The following EXD3 variants were observed in gnomAD, a reference collection of about 807,000 sequenced individuals.
The protein encoded by EXD3 is exonuclease mut-7 homolog.
Under a neutral mutation model 98.0 loss-of-function variants are expected in EXD3, and 92 were observed. The ratio of observed to expected loss-of-function variants is 0.94; its 90% CI spans 0.79 to 1.12. The LOEUF (loss-of-function observed/expected upper bound fraction) is 1.12, where lower values mean the gene tolerates loss of function less well. Among genes scored for constraint, EXD3 ranks in the 50% most tolerant of loss-of-function variants. The pLI, the probability that EXD3 is intolerant of heterozygous loss-of-function variation, is 0.00. For missense variants in EXD3, 1,222 were observed against 1,191.6 expected, an observed-to-expected ratio of 1.03 and a Z score of -0.38; for synonymous variants, 569 against 526.0, an observed-to-expected ratio of 1.08 and a Z score of -1.12.
chr9:137,373,637 C>T, intron 3 of EXD3, 38 bp from the exon 4 acceptor site: 1 of 1,551,226 alleles, frequency 6.4e-7, no homozygotes. Flanking sequence ...CTTTGTCTTG[C>T]ACTCAAAGCC....
chr9:137,338,592 AAGGC>A, intron 17 of EXD3, among the ~76,000 whole-genome samples: 1 of 152,098 alleles, frequency 6.6e-6, no homozygotes, highest in East Asian at 1.9e-4. Flanking sequence ...GTTATTTTAA[AAGGC>A]AGTAAGTTGG....
intron 2 of EXD3, chr9:137,392,723 A>AG: frequency 3.0e-6 from 1 of 329,342 alleles, no homozygotes; most frequent in East Asian, 8.1e-5. Context: ...TGTCTGTTCC[A>AG]GGAGCACCAG....
At chr9:137,358,159 T>C (rs1404506144) in intron 7 of EXD3, among the ~76,000 whole-genome samples, 3 of 152,174 alleles carry the variant, frequency 2.0e-5, no homozygotes, top group Non-Finnish European at 4.4e-5. Flanking sequence ...TGTGTTAGTG[T>C]TAGCATGCGT....
chr9:137,336,648 A>T (rs1833367124), intron 17 of EXD3, among the ~76,000 whole-genome samples: 2 of 109,660 alleles, frequency 1.8e-5, no homozygotes, highest in African/African-American at 7.7e-5. Context: ...ACAAAGTGAG[A>T]CTCCGTCTAA....
Position 137,354,699 on chromosome 9 carries a change from C to T in EXD3, c.831+1G>A, listed in dbSNP as rs1399389241. The T allele has an allele frequency of 3.1e-6, 5 of 1,610,740 alleles. No individual in the cohort carries two copies. The highest frequency in any genetic ancestry group is 1.7e-5 in the Admixed American group (1 of 60,006). ...CCCAGGACCCCCTCCTGCTCACGAA[C>T]CTCCACAAACCGCTTGTGGCACAGG... On this transcript the variant is annotated splice_donor_variant, in intron 9 of 21. Coordinates refer to ENST00000340951, the MANE Select transcript of EXD3 (RefSeq NM_017820.5). LOFTEE classifies it high-confidence loss of function.
At chr9:137,370,867 A>G (rs866603999) in intron 5 of EXD3, among the ~76,000 whole-genome samples, 1 of 151,198 alleles carries the variant, frequency 6.6e-6, no homozygotes, top group South Asian at 2.1e-4. Context: ...AAATAAAATA[A>G]CTCAGCGGAC....
intron 7 of EXD3, chr9:137,366,016 GCA>G (rs1835232743): frequency 1.6e-6 from 1 of 613,826 alleles, no homozygotes; most frequent in East Asian, 3.3e-5. Flanking sequence ...ATGCACATGG[GCA>G]CACACATACA....
In EXD3 at chr9:137,395,483, G is replaced by C. The variant is rs1837168368; in HGVS notation, c.-47-79C>G. On this transcript the variant is annotated intron_variant, in intron 1 of 21. Transcript: ENST00000340951. The surrounding 1 kb of genome is among the most constrained non-coding windows in gnomAD (Gnocchi z 6.5). ...GCAGAGCCCACGCCCACAGCCCCTG[G>C]AGGTGGTGGAGGGAGCTGGTGCCTG... 1 of 1,382,118 alleles carries C rather than the reference G, an allele frequency of 7.2e-7. No homozygotes were observed. Among genetic ancestry groups the C allele is most frequent in the Non-Finnish European group, 1.0e-6 (1 of 1,002,210 alleles). 85.6% of individuals were successfully genotyped at this position (1,382,118 alleles called of 1,614,324 possible).
At chr9:137,319,530 G>T (rs1462505319) in intron 19 of EXD3, among the ~76,000 whole-genome samples, 1 of 152,168 alleles carries the variant, frequency 6.6e-6, no homozygotes, top group African/African-American at 2.4e-5. Flanking sequence ...TGGGTGGTGG[G>T]AACGTGGCCT....
rs112337955 is a variant in EXD3 at position 137,311,845 on chromosome 9, G to A, written c.2185-2145C>T. On this transcript the variant is annotated intron_variant, in intron 19 of 21. Coordinates refer to ENST00000340951, the MANE Select transcript of EXD3 (RefSeq NM_017820.5). The stretch of plus-strand genomic sequence containing the variant: ...CCTTGCTGGACCGACTGCCCTGGGC[G>A]GGTGGCTGCCACGGGCTGAGGGAGT... 2.6e-3 allele frequency among the ~76,000 whole-genome samples: 398 copies of A among 152,310 alleles called. 3 individuals are homozygous for A. The highest frequency in any genetic ancestry group is 8.6e-3 in the African/African-American group (357 of 41,566).
At chr9:137,343,032 A>C (rs1435571139) in intron 17 of EXD3, 2 of 152,416 alleles carry the variant, frequency 1.3e-5, no homozygotes, top group African/African-American at 4.8e-5. Context: ...AGGCAGGAGA[A>C]TCGCTTGAAC....
At chr9:137,374,907 T>C (rs1198848707) in intron 3 of EXD3, 14 of 960,720 alleles carry the variant, frequency 1.5e-5, no homozygotes, top group Non-Finnish European at 1.7e-5. Flanking sequence ...TAGTGAGATC[T>C]AGCTCTAGTG....
intron 17 of EXD3, among the ~76,000 whole-genome samples, chr9:137,325,123 A>C (rs1186883588): frequency 6.6e-6 from 1 of 152,244 alleles, no homozygotes. Flanking sequence ...GCCTAGAGAC[A>C]AGACCCAATC....
intron 7 of EXD3, chr9:137,365,690 G>T (rs1347965469): frequency 4.1e-6 from 1 of 241,494 alleles, no homozygotes; most frequent in Non-Finnish European, 8.0e-6. Context: ...AGGCACACAT[G>T]CACACACGTA....
chr9:137,356,273 G>T lies in EXD3; in HGVS notation c.752C>A (p.Ala251Asp). 6.9e-6 allele frequency: 11 copies of T among 1,597,862 alleles called. No homozygotes were observed. Among genetic ancestry groups the T allele is most frequent in the Non-Finnish European group, 9.4e-6 (11 of 1,173,458 alleles). ...VLRLQERYGV[A>D]PALCPNAAIQ... ...AATGTGGGGGCTGGACTCACCTGGGGCTACGCCGTACCGCTCCTGCAGACG... is the reference window on the plus strand; with the variant it reads ...AATGTGGGGGCTGGACTCACCTGGGTCTACGCCGTACCGCTCCTGCAGACG... Residue 251 changes from alanine (A) to aspartate (D), a missense_variant, in exon 8 of 22, where the codon GCC becomes GAC. Transcript: ENST00000340951.
intron 17 of EXD3, among the ~76,000 whole-genome samples, chr9:137,328,176 A>T (rs369491700): frequency 4.3e-3 from 33 of 7,592 alleles, no homozygotes; most frequent in East Asian, 0.014. Flanking sequence ...ACTAATATAC[A>T]CCAATATGAT....
chr9:137,350,766 C>T (rs1834256239), intron 14 of EXD3, among the ~76,000 whole-genome samples: 1 of 151,970 alleles, frequency 6.6e-6, no homozygotes, highest in African/African-American at 2.4e-5. Flanking sequence ...CAAGTGGAAC[C>T]CAGGGCTCAG....
intron 17 of EXD3, among the ~76,000 whole-genome samples, chr9:137,338,277 C>A (rs1175552224): frequency 6.6e-6 from 1 of 152,120 alleles, no homozygotes; most frequent in Non-Finnish European, 1.5e-5. Context: ...AATTGAAAAA[C>A]CTTCTAAAGA....
chr9:137,374,127 C>T (rs11497279), intron 3 of EXD3, among the ~76,000 whole-genome samples: 248 of 152,404 alleles, frequency 1.6e-3, no homozygotes, highest in Non-Finnish European at 4.7e-4. Context: ...AGTTGGCCCT[C>T]GCTGCTGTGC....
Sources: allele counts gnomAD v4.1 joint callset (sites outside exome capture counted in the v4.1 genomes callset), GRCh38; gene constraint gnomAD v4.1.1; non-coding constraint Gnocchi (gnomAD v3.1); transcripts MANE v1.5; gene names NCBI Gene and HGNC (gene_info 2026-07-23, HGNC 2026-07-21).